ADAM9: variants seen among roughly 807,000 people sequenced by gnomAD.
The protein encoded by ADAM9 is ADAM metallopeptidase domain 9, also known as disintegrin and metalloproteinase domain-containing protein 9.
A neutral mutation model predicts 108.1 loss-of-function variants in ADAM9; 54 were observed. The ratio of observed to expected loss-of-function variants is 0.50; its 90% CI spans 0.40 to 0.63. The LOEUF (loss-of-function observed/expected upper bound fraction) is 0.63, where lower values mean the gene tolerates loss of function less well. Ranked by LOEUF, ADAM9 falls within the 20% of genes least tolerant of loss-of-function variation. ADAM9 has a pLI of 0.00. For missense variants in ADAM9, 830 were observed against 997.7 expected, an observed-to-expected ratio of 0.83 and a Z score of 2.26; for synonymous variants, 316 against 336.0, an observed-to-expected ratio of 0.94 and a Z score of 0.65.
chr8:39,043,429 G>A (rs768808304), intron 12 of ADAM9, among the ~76,000 whole-genome samples: 1 of 152,034 alleles, frequency 6.6e-6, no homozygotes, highest in Non-Finnish European at 1.5e-5. Context: ...CATTCTTGCC[G>A]ACACTTGTTG....
At chr8:39,027,568 C>T (rs1836961311) in intron 11 of ADAM9, among the ~76,000 whole-genome samples, 1 of 152,150 alleles carries the variant, frequency 6.6e-6, no homozygotes, top group Non-Finnish European at 1.5e-5. Context: ...GATCTGAGAA[C>T]CCTTTCCTGT....
intron 2 of ADAM9, among the ~76,000 whole-genome samples, chr8:39,009,631 A>G (rs1836279361): frequency 6.6e-6 from 1 of 152,104 alleles, no homozygotes; most frequent in South Asian, 2.1e-4. Flanking sequence ...TACTTCCCTC[A>G]TTAATACTTG....
At chr8:39,045,300 A>ACACATG (rs1554579087) in intron 12 of ADAM9, among the ~76,000 whole-genome samples, 1 of 104,086 alleles carries the variant, frequency 9.6e-6, no homozygotes, top group African/African-American at 4.0e-5. Context: ...GTGTACACCT[A>ACACATG]TACATGTGTG....
intron 6 of ADAM9, 128 bp from the exon 7 acceptor site, chr8:39,018,723 GAT>G: frequency 3.7e-6 from 3 of 821,684 alleles, no homozygotes; most frequent in Non-Finnish European, 4.1e-6. Flanking sequence ...TCACTTTCTT[GAT>G]ATAGGATATG....
At chr8:38,999,054 C>T (rs553353437) in intron 1 of ADAM9, among the ~76,000 whole-genome samples, 1 of 151,888 alleles carries the variant, frequency 6.6e-6, no homozygotes, top group South Asian at 2.1e-4. Flanking sequence ...GCTGGGACAC[C>T]GGTTAAGAGG....
At chr8:39,035,772 G>A (rs556926316) in intron 11 of ADAM9, among the ~76,000 whole-genome samples, 3 of 152,248 alleles carry the variant, frequency 2.0e-5, no homozygotes, top group East Asian at 1.9e-4. Context: ...AGCTGAGATC[G>A]TGCCACTGCA....
intron 9 of ADAM9, among the ~76,000 whole-genome samples, chr8:39,024,406 G>T (rs553877523): frequency 6.6e-6 from 1 of 152,096 alleles, no homozygotes; most frequent in African/African-American, 2.4e-5. Context: ...CTCTTTGTGT[G>T]GTCTCCATCT....
At position 39,103,792 on chromosome 8, in the gene ADAM9, C is replaced by A. The variant is rs750957029; in HGVS notation, c.*92C>A. On this transcript the variant is annotated 3_prime_UTR_variant, in exon 22 of 22. Transcript: ENST00000487273. ...GTTTTCTTGAAAAGCCTTTCTGTTGCAACTATGAATGAAAACAAAACACCA... is the reference window on the plus strand; with the variant it reads ...GTTTTCTTGAAAAGCCTTTCTGTTGAAACTATGAATGAAAACAAAACACCA... 1.6e-6 allele frequency: 2 copies of A among 1,247,382 alleles called. No individual in the cohort carries two copies. The highest frequency in any genetic ancestry group is 2.3e-6 in the Non-Finnish European group (2 of 857,904). 77.3% of individuals were successfully genotyped at this position (1,247,382 alleles called of 1,614,324 possible). A position where few individuals can be genotyped will look rare whatever the true frequency, so the allele number is the denominator to read the frequency against.
At chr8:39,095,923 G>A (rs1032253956) in intron 20 of ADAM9, among the ~76,000 whole-genome samples, 7 of 151,982 alleles carry the variant, frequency 4.6e-5, no homozygotes, top group South Asian at 2.1e-4. Context: ...TTTGTCTGAT[G>A]TAAGTATTGC....
intron 4 of ADAM9, chr8:39,015,509 T>C (rs1279214205): frequency 6.6e-6 from 1 of 152,250 alleles, no homozygotes; most frequent in East Asian, 1.9e-4. Flanking sequence ...ATTTCTTGGT[T>C]ATTTAATATT....
At chr8:39,099,259 C>T (rs563272128) in intron 20 of ADAM9, among the ~76,000 whole-genome samples, 52 of 152,302 alleles carry the variant, frequency 3.4e-4, no homozygotes, top group African/African-American at 9.1e-4. Flanking sequence ...CGCATACTGC[C>T]ACCTGCCAAG....
chr8:39,089,345 A>G (rs1443898060), intron 18 of ADAM9, among the ~76,000 whole-genome samples: 1 of 152,214 alleles, frequency 6.6e-6, no homozygotes, highest in African/African-American at 2.4e-5. Flanking sequence ...GTTGGCAAAA[A>G]TCCGGAAATT....
rs540292646 is a variant in ADAM9, at chr8:39,004,564, T to A, written c.98-3322T>A. ...GATTTACTTAAAGAGAATTTTTTTT[T>A]AAAAAGTGAAAGCATGTTTATTAAG... On this transcript the variant is annotated intron_variant, in intron 1 of 21. Transcript: ENST00000487273. Among the ~76,000 whole-genome samples the A allele has an allele frequency of 5.8e-4, 89 of 152,264 alleles. 1 individual carries two copies. Among genetic ancestry groups the A allele is most frequent in the African/African-American group, 1.8e-3 (74 of 41,542 alleles).
intron 14 of ADAM9, among the ~76,000 whole-genome samples, chr8:39,063,664 G>T (rs954278326): frequency 6.6e-6 from 1 of 152,208 alleles, no homozygotes; most frequent in East Asian, 1.9e-4. Context: ...GGAGGTTGCA[G>T]TTAGCTGAGA....
chr8:39,032,833 T>TAAA (rs1837141399), intron 11 of ADAM9, among the ~76,000 whole-genome samples: 1 of 152,250 alleles, frequency 6.6e-6, no homozygotes, highest in Admixed American at 6.5e-5. Context: ...ACTGCAGCTT[T>TAAA]AGAGTAAGTC....
chr8:38,999,130 T>G (rs1421148324), intron 1 of ADAM9, among the ~76,000 whole-genome samples: 2 of 152,154 alleles, frequency 1.3e-5, no homozygotes, highest in Admixed American at 1.3e-4. Context: ...CAAAATCAGC[T>G]GACCACATTT....
At chr8:39,033,863 T>C (rs147860401) in intron 11 of ADAM9, among the ~76,000 whole-genome samples, 130 of 152,278 alleles carry the variant, frequency 8.5e-4, no homozygotes, top group African/African-American at 3.0e-3. Context: ...TCTTAAAAGT[T>C]TTCGGTCTTA....
chr8:39,008,533 T>C (rs1418143735), intron 2 of ADAM9, among the ~76,000 whole-genome samples: 1 of 152,200 alleles, frequency 6.6e-6, no homozygotes, highest in Non-Finnish European at 1.5e-5. Context: ...AATAGAATAG[T>C]TAAACAAAAT....
intron 7 of ADAM9, among the ~76,000 whole-genome samples, chr8:39,019,581 C>T (rs1302085236): frequency 6.6e-6 from 1 of 152,000 alleles, no homozygotes; most frequent in Non-Finnish European, 1.5e-5. Flanking sequence ...TTAGGGGGTA[C>T]AGGTGAGTAT....
Sources: allele counts gnomAD v4.1 joint callset (sites outside exome capture counted in the v4.1 genomes callset), GRCh38; gene constraint gnomAD v4.1.1; transcripts MANE v1.5; gene names NCBI Gene and HGNC (gene_info 2026-07-23, HGNC 2026-07-21).